The following TENM2 variants were observed in gnomAD, a reference collection of about 807,000 sequenced individuals.
TENM2 encodes the protein teneurin transmembrane protein 2.
Under a neutral mutation model 245.2 loss-of-function variants are expected in TENM2, and 52 were observed. The ratio of observed to expected loss-of-function variants is 0.21; its 90% CI spans 0.17 to 0.27. The LOEUF is 0.27. Among genes scored for constraint, TENM2 ranks in the 10% least tolerant of loss-of-function variants. The pLI, the probability that TENM2 is intolerant of heterozygous loss-of-function variation, is 1.00. For missense variants in TENM2, 3,046 were observed against 3,666.8 expected (o/e 0.83, Z 4.37); for synonymous variants, 1,363 against 1,438.9 (o/e 0.95, Z 1.19).
intron 2 of TENM2, among the ~76,000 whole-genome samples, chr5:167,673,588 A>G (rs1756108228): frequency 6.6e-6 from 1 of 152,142 alleles, no homozygotes; most frequent in South Asian, 2.1e-4. Flanking sequence ...AAATGCTTGT[A>G]GTAGCATAGG....
intron 4 of TENM2, among the ~76,000 whole-genome samples, chr5:167,974,531 C>T (rs1249121619): frequency 6.6e-6 from 1 of 152,134 alleles, no homozygotes; most frequent in Non-Finnish European, 1.5e-5. Context: ...TAATTATCTG[C>T]ATAACAGTAA....
At chr5:168,141,607 G>A (rs1755557616) in intron 12 of TENM2, among the ~76,000 whole-genome samples, 1 of 152,194 alleles carries the variant, frequency 6.6e-6, no homozygotes, top group East Asian at 1.9e-4. Flanking sequence ...AATTGATTAA[G>A]CATCCAGAAT....
chr5:167,916,330 C>T (rs1434451033), intron 3 of TENM2, among the ~76,000 whole-genome samples: 1 of 152,140 alleles, frequency 6.6e-6, no homozygotes, highest in Non-Finnish European at 1.5e-5. Flanking sequence ...TTGGTACCTT[C>T]AGACGTTATT....
chr5:167,487,895 C>T (rs971021007), intron 2 of TENM2, among the ~76,000 whole-genome samples: 7 of 152,022 alleles, frequency 4.6e-5, no homozygotes, highest in African/African-American at 1.2e-4. Context: ...TTCTTGCTTT[C>T]TCACAAATTG....
At chr5:167,867,882 T>A (rs528045655) in intron 2 of TENM2, among the ~76,000 whole-genome samples, 7 of 152,320 alleles carry the variant, frequency 4.6e-5, no homozygotes, top group African/African-American at 1.7e-4. Flanking sequence ...TAGACTTGCT[T>A]TGAGGAAATT....
chr5:167,437,738 G>T (rs1316036928), intron 2 of TENM2, among the ~76,000 whole-genome samples: 2 of 152,080 alleles, frequency 1.3e-5, no homozygotes, highest in East Asian at 3.9e-4. Flanking sequence ...GATAGTGAAT[G>T]AGTCTCACGA....
exon 19 of TENM2, chr5:168,204,506 C>G: frequency 6.2e-7 from 1 of 1,614,058 alleles, no homozygotes; most frequent in Non-Finnish European, 8.5e-7. Flanking sequence ...AGGCAACAAG[C>G]TGCTGGCCCC....
At chr5:167,716,567 A>T (rs1477756397) in intron 2 of TENM2, among the ~76,000 whole-genome samples, 4 of 152,198 alleles carry the variant, frequency 2.6e-5, no homozygotes, top group African/African-American at 9.7e-5. Flanking sequence ...GTCAAGAAGC[A>T]CAGAGCTTTG....
intron 1 of TENM2, among the ~76,000 whole-genome samples, chr5:167,363,463 G>C (rs1759833084): frequency 6.6e-6 from 1 of 152,092 alleles, no homozygotes. Context: ...TGGGCACGGT[G>C]GCTCACGCCT....
intron 27 of TENM2, among the ~76,000 whole-genome samples, chr5:168,259,194 C>T (rs1767960499): frequency 6.6e-6 from 1 of 152,162 alleles, no homozygotes; most frequent in East Asian, 1.9e-4. Context: ...ACACTTGGGG[C>T]AGGTGGCATA....
chr5:167,870,575 G>A (rs542507133), intron 2 of TENM2, among the ~76,000 whole-genome samples: 126 of 129,730 alleles, frequency 9.7e-4, no homozygotes, highest in Non-Finnish European at 1.3e-3. Context: ...ATATATGTGT[G>A]TGTATATATA....
At chr5:167,434,905 A>G (rs1385982831) in intron 2 of TENM2, among the ~76,000 whole-genome samples, 1 of 152,210 alleles carries the variant, frequency 6.6e-6, no homozygotes, top group Non-Finnish European at 1.5e-5. Flanking sequence ...ATTCAGATGT[A>G]GATTAGTTAT....
intron 2 of TENM2, among the ~76,000 whole-genome samples, chr5:167,601,832 C>G (rs975697157): frequency 1.3e-5 from 2 of 151,976 alleles, no homozygotes; most frequent in Non-Finnish European, 2.9e-5. Flanking sequence ...CACATTTTCC[C>G]CGGAGTTGTA....
chr5:167,512,465 T>A (rs1770032895), intron 2 of TENM2, among the ~76,000 whole-genome samples: 1 of 152,212 alleles, frequency 6.6e-6, no homozygotes, highest in African/African-American at 2.4e-5. Context: ...TAATTTTCAT[T>A]TTACATTATA....
rs564218585 is a variant in TENM2 at position 167,319,580 on chromosome 5, T to C, written c.226+34517T>C. Among the ~76,000 whole-genome samples, 4 of 152,324 alleles carry C rather than the reference T, an allele frequency of 2.6e-5. No individual in the cohort carries two copies. In the South Asian group the frequency reaches 8.3e-4, roughly 32 times the overall value. ...ACTAGATTTTCGTTTACCCTCCTTA[T>C]TGTACAGTTGAAAAACAATACTCAG... On this transcript the variant is annotated intron_variant, in intron 1 of 28. Coordinates refer to ENST00000518659, the Ensembl canonical transcript of TENM2.
chr5:167,558,509 C>T (rs932198902), intron 2 of TENM2, among the ~76,000 whole-genome samples: 1 of 152,184 alleles, frequency 6.6e-6, no homozygotes, highest in Non-Finnish European at 1.5e-5. Flanking sequence ...CGAAGCTGAG[C>T]TCCACCTCCT....
At chr5:168,198,524 G>T (rs986721516) in intron 15 of TENM2, among the ~76,000 whole-genome samples, 2 of 152,160 alleles carry the variant, frequency 1.3e-5, no homozygotes. Flanking sequence ...AAAACAGGTG[G>T]TGGGCCGGAT....
intron 2 of TENM2, among the ~76,000 whole-genome samples, chr5:167,525,194 G>T (rs1771027627): frequency 6.6e-6 from 1 of 152,062 alleles, no homozygotes; most frequent in Non-Finnish European, 1.5e-5. Context: ...CTTTGAATGC[G>T]CAAATCTGTG....
chr5:167,209,464 A>G, the TENM2 span, among the ~76,000 whole-genome samples: 2 of 151,936 alleles, frequency 1.3e-5, no homozygotes, highest in Admixed American at 6.6e-5. Flanking sequence ...GGATTTCACC[A>G]TGTTGGCCAG....
Sources: allele counts gnomAD v4.1 joint callset (sites outside exome capture counted in the v4.1 genomes callset), GRCh38; gene constraint gnomAD v4.1.1; transcripts MANE v1.5; gene names NCBI Gene and HGNC (gene_info 2026-07-23, HGNC 2026-07-21).